PIP4K2A: variants seen among roughly 807,000 people sequenced by gnomAD.
PIP4K2A encodes phosphatidylinositol-5-phosphate 4-kinase type 2 alpha.
Under a neutral mutation model 42.9 loss-of-function variants are expected in PIP4K2A, and 14 were observed. The observed-to-expected ratio is 0.33, with a 90% confidence interval of 0.22 to 0.51. PIP4K2A has a LOEUF of 0.51. Among genes scored for constraint, PIP4K2A ranks in the 20% least tolerant of loss-of-function variants. PIP4K2A has a pLI of 0.97. For synonymous variants in PIP4K2A, 192 were observed against 192.2 expected (o/e 1.00, Z 0.01); for missense variants, 434 against 519.8 (o/e 0.83, Z 1.61).
chr10:22,592,618 G>A (rs72816843), intron 3 of PIP4K2A, among the ~76,000 whole-genome samples: 1,910 of 152,278 alleles, frequency 0.013, 24 homozygotes, highest in Middle Eastern at 0.065. Flanking sequence ...TCTGGTTCAT[G>A]CTAGTGACAC....
chr10:22,542,114 C>T, intron 7 of PIP4K2A, 67 bp from the exon 8 acceptor site: 1 of 1,436,638 alleles, frequency 7.0e-7, no homozygotes, highest in Non-Finnish European at 9.5e-7. Flanking sequence ...TTAAAGGAGA[C>T]AAGCTCGGGT....
chr10:22,632,358 T>C (rs1014302161), intron 1 of PIP4K2A, among the ~76,000 whole-genome samples: 2 of 152,206 alleles, frequency 1.3e-5, no homozygotes, highest in African/African-American at 4.8e-5. Flanking sequence ...TGTATTATTT[T>C]TGCTACATTT....
intron 1 of PIP4K2A, among the ~76,000 whole-genome samples, chr10:22,679,979 AT>A (rs1229542733): frequency 6.6e-6 from 1 of 152,138 alleles, no homozygotes; most frequent in Non-Finnish European, 1.5e-5. Context: ...GTATATAAAA[AT>A]ATATACATTT....
At chr10:22,644,353 A>T (rs914873055) in intron 1 of PIP4K2A, among the ~76,000 whole-genome samples, 5 of 152,228 alleles carry the variant, frequency 3.3e-5, no homozygotes, top group Non-Finnish European at 7.4e-5. Context: ...ATGATTCTGC[A>T]GATGGCGGCA....
chr10:22,561,733 T>G (rs539021781), intron 6 of PIP4K2A, among the ~76,000 whole-genome samples: 4 of 151,662 alleles, frequency 2.6e-5, no homozygotes, highest in South Asian at 4.2e-4. Flanking sequence ...CAGCTAATTT[T>G]TTGAATTGTT....
chr10:22,691,511 T>C (rs1839866838), intron 1 of PIP4K2A: 1 of 152,150 alleles, frequency 6.6e-6, no homozygotes, highest in African/African-American at 2.4e-5. Flanking sequence ...ATAAAGCTTT[T>C]TCAAATTTTA....
At position 22,597,695 on chromosome 10, in the gene PIP4K2A, G is replaced by T. The variant is rs189411266; in HGVS notation, c.340-5914C>A. On this transcript the variant is annotated intron_variant, in intron 3 of 9. Transcript: ENST00000376573. ...AAAAAAAGAAATTAAGATGAAATTT[G>T]CAAGTTAAGACCAGCTCTGCATGGA... Among the ~76,000 whole-genome samples, 295 of 148,236 alleles carry T rather than the reference G, an allele frequency of 2.0e-3. 2 individuals are homozygous for T. Among genetic ancestry groups the T allele is most frequent in the Middle Eastern group, 6.9e-3 (2 of 290 alleles).
At chr10:22,551,929 A>G (rs988393413) in intron 6 of PIP4K2A, among the ~76,000 whole-genome samples, 1 of 152,194 alleles carries the variant, frequency 6.6e-6, no homozygotes. Context: ...TATAAAGTAT[A>G]GACATGCATG....
At chr10:22,567,918 G>A (rs1451331846) in intron 5 of PIP4K2A, 29 bp from the exon 6 acceptor site, 2 of 1,603,084 alleles carry the variant, frequency 1.2e-6, no homozygotes, top group Admixed American at 3.3e-5. Context: ...ATAAAAACAT[G>A]CGCATGGGAG....
chr10:22,686,281 T>C (rs1007420822), intron 1 of PIP4K2A, among the ~76,000 whole-genome samples: 1 of 152,210 alleles, frequency 6.6e-6, no homozygotes, highest in Non-Finnish European at 1.5e-5. Flanking sequence ...AATCTCCCAA[T>C]AGATTCCACA....
intron 7 of PIP4K2A, among the ~76,000 whole-genome samples, chr10:22,546,851 G>A (rs926597961): frequency 6.6e-6 from 1 of 152,120 alleles, no homozygotes; most frequent in South Asian, 2.1e-4. Flanking sequence ...GTCTGCTTCC[G>A]GCTCACTGCA....
intron 1 of PIP4K2A, among the ~76,000 whole-genome samples, chr10:22,694,869 C>T (rs560495262): frequency 6.6e-6 from 1 of 152,248 alleles, no homozygotes; most frequent in South Asian, 2.1e-4. Context: ...AACTGGAACA[C>T]ATTTTATGAG....
intron 6 of PIP4K2A, among the ~76,000 whole-genome samples, chr10:22,560,517 T>TA (rs894876587): frequency 2.2e-4 from 34 of 152,314 alleles, no homozygotes; most frequent in Admixed American, 3.9e-4. Context: ...TGGTAATAGG[T>TA]AAAACGTCGG....
intron 1 of PIP4K2A, among the ~76,000 whole-genome samples, chr10:22,689,448 CT>C (rs555954233): frequency 9.7e-4 from 148 of 152,202 alleles, no homozygotes; most frequent in Middle Eastern, 3.4e-3. Flanking sequence ...CATGTACAGA[CT>C]TTTTTTCGTG....
At chr10:22,598,248 T>A (rs527639509) in intron 3 of PIP4K2A, among the ~76,000 whole-genome samples, 2 of 152,092 alleles carry the variant, frequency 1.3e-5, no homozygotes, top group Admixed American at 1.3e-4. Flanking sequence ...GTTCTAGCTA[T>A]AAGGAAGGCT....
rs200493993 is a variant in PIP4K2A, at chr10:22,584,192, AAAC to A, written c.492+7434_492+7436del. Among the ~76,000 whole-genome samples the A allele has an allele frequency of 6.6e-5, 10 of 152,350 alleles. No individual in the cohort carries two copies. In the East Asian group the frequency reaches 1.9e-3, roughly 29 times the overall value. On this transcript the variant is annotated intron_variant, in intron 4 of 9. Coordinates refer to ENST00000376573, the MANE Select transcript of PIP4K2A (RefSeq NM_005028.5). ...AGTAAGTTTTGAATAGTTACGTACA[AAAC>A]GTGTAAAGAAACAAAGGATGCAATT...
intron 1 of PIP4K2A, among the ~76,000 whole-genome samples, chr10:22,653,095 A>G (rs1010093591): frequency 6.6e-6 from 1 of 152,128 alleles, no homozygotes; most frequent in African/African-American, 2.4e-5. Context: ...CAAAAAAAAG[A>G]AAGAAGGGTT....
At chr10:22,625,503 A>C (rs918032852) in intron 1 of PIP4K2A, among the ~76,000 whole-genome samples, 6 of 152,212 alleles carry the variant, frequency 3.9e-5, no homozygotes, top group African/African-American at 1.4e-4. Flanking sequence ...TGATCCAAAA[A>C]AATCTGGAGT....
chr10:22,565,637 G>A (rs192561249), intron 6 of PIP4K2A, among the ~76,000 whole-genome samples: 5 of 152,218 alleles, frequency 3.3e-5, no homozygotes, highest in Admixed American at 1.3e-4. Flanking sequence ...TGGGCACCCT[G>A]AAAAAAGAAC....
Sources: gnomAD v4.1 joint callset for allele counts (sites outside exome capture counted in the v4.1 genomes callset) on GRCh38, gnomAD v4.1.1 for gene constraint, MANE v1.5 for transcripts, NCBI Gene and HGNC (gene_info 2026-07-23, HGNC 2026-07-21) for gene names.